Variants in AGPS observed in about 807,000 individuals in gnomAD.
AGPS encodes the protein alkyldihydroxyacetonephosphate synthase, peroxisomal.
A neutral mutation model predicts 90.7 loss-of-function variants in AGPS; 26 were observed. The ratio of observed to expected loss-of-function variants is 0.29; its 90% CI spans 0.21 to 0.40. AGPS has a LOEUF of 0.40. AGPS is among the 10% of genes least tolerant of loss of function. The pLI, the probability that AGPS is intolerant of heterozygous loss-of-function variation, is 1.00. For synonymous variants in AGPS, 294 were observed against 285.3 expected, an observed-to-expected ratio of 1.03 and a Z score of -0.31; for missense variants, 540 against 816.1, an observed-to-expected ratio of 0.66 and a Z score of 4.12.
In AGPS at chr2:177,429,377, A is replaced by C. The variant is rs537617718; in HGVS notation, c.351-4950A>C. 5.9e-5 allele frequency among the ~76,000 whole-genome samples: 9 copies of C among 152,264 alleles called. No homozygotes were observed. The South Asian group carries it at 1.9e-3, about 32-fold the overall frequency. On this transcript the variant is annotated intron_variant, in intron 2 of 19. Coordinates refer to ENST00000264167, the MANE Select transcript of AGPS (RefSeq NM_003659.4). Reference sequence around the variant, plus strand: ...CTGGAGAGGTATTGTGGTCATTTGGAGGAGAAGAGGCCCTCTGGCTTTTTG... The same window carrying C: ...CTGGAGAGGTATTGTGGTCATTTGGCGGAGAAGAGGCCCTCTGGCTTTTTG...
intron 8 of AGPS, among the ~76,000 whole-genome samples, chr2:177,455,804 T>G (rs1417389120): frequency 6.6e-6 from 1 of 152,122 alleles, no homozygotes; most frequent in East Asian, 1.9e-4. Flanking sequence ...GCATATACAT[T>G]TTTCTCAATA....
At position 177,444,437 on chromosome 2, in the gene AGPS, A is replaced by G. The variant is rs1034658488; in HGVS notation, c.790-1109A>G. 1.5e-3 allele frequency among the ~76,000 whole-genome samples: 223 copies of G among 149,880 alleles called. 20 individuals carry two copies. The highest frequency in any genetic ancestry group is 7.7e-4 in the African/African-American group (31 of 40,114). On this transcript the variant is annotated intron_variant, in intron 7 of 19. Coordinates refer to ENST00000264167, the MANE Select transcript of AGPS (RefSeq NM_003659.4). The stretch of plus-strand genomic sequence containing the variant: ...CTCTGTCTCAAAAAAAAAAAAAAAA[A>G]AAAGAAAGAAAGAAATTACTACTGT...
chr2:177,425,904 A>G (rs1320133995), intron 2 of AGPS, among the ~76,000 whole-genome samples: 2 of 152,136 alleles, frequency 1.3e-5, no homozygotes, highest in Admixed American at 6.5e-5. Flanking sequence ...TGAATTTTAA[A>G]ATAGTTTTTT....
At chr2:177,520,831 C>T (rs1689164252) in intron 17 of AGPS, among the ~76,000 whole-genome samples, 1 of 151,712 alleles carries the variant, frequency 6.6e-6, no homozygotes, top group Non-Finnish European at 1.5e-5. Context: ...GCTTACCTGA[C>T]TATATATATA....
At chr2:177,455,114 G>A (rs1404628915) in intron 8 of AGPS, among the ~76,000 whole-genome samples, 1 of 152,104 alleles carries the variant, frequency 6.6e-6, no homozygotes, top group Non-Finnish European at 1.5e-5. Context: ...CACCCGTGCT[G>A]TAATCCATCT....
intron 1 of AGPS, 143 bp from the exon 2 acceptor site, chr2:177,420,126 T>C: frequency 3.5e-6 from 2 of 570,274 alleles, no homozygotes; most frequent in Non-Finnish European, 6.2e-6. Context: ...GACATTTTAA[T>C]GTGTGCTAAT....
At chr2:177,471,781 G>C (rs546288734) in intron 10 of AGPS, among the ~76,000 whole-genome samples, 1 of 152,226 alleles carries the variant, frequency 6.6e-6, no homozygotes, top group South Asian at 2.1e-4. Flanking sequence ...TTCTGTGGCT[G>C]TGATACTTGA....
At chr2:177,478,202 G>A (rs1374605358) in intron 10 of AGPS, among the ~76,000 whole-genome samples, 1 of 152,146 alleles carries the variant, frequency 6.6e-6, no homozygotes, top group Non-Finnish European at 1.5e-5. Flanking sequence ...TGTTTCTGCT[G>A]ATAAGTCAGC....
chr2:177,469,348 C>T (rs538567631), intron 10 of AGPS, among the ~76,000 whole-genome samples: 129 of 152,158 alleles, frequency 8.5e-4, no homozygotes, highest in African/African-American at 3.0e-3. Context: ...AGAGCAGGTA[C>T]AATAAACTAA....
chr2:177,393,318 C>T (rs1685078042), intron 1 of AGPS: 2 of 985,382 alleles, frequency 2.0e-6, no homozygotes, highest in African/African-American at 1.7e-5. Context: ...TAAAGGATTC[C>T]TTTTTCCTGA....
chr2:177,505,902 C>T (rs911684855), intron 15 of AGPS, among the ~76,000 whole-genome samples: 10 of 151,788 alleles, frequency 6.6e-5, no homozygotes, highest in African/African-American at 2.4e-4. Flanking sequence ...CAACACTCTT[C>T]ACTTAATAAT....
chr2:177,523,891 G>T, intron 19 of AGPS, 86 bp downstream of exon 19: 1 of 1,120,516 alleles, frequency 8.9e-7, no homozygotes. Context: ...GACATGGTAT[G>T]AATAATATGA....
At chr2:177,409,869 A>G (rs971321326) in intron 1 of AGPS, among the ~76,000 whole-genome samples, 3 of 152,168 alleles carry the variant, frequency 2.0e-5, no homozygotes, top group Non-Finnish European at 2.9e-5. Context: ...ATTGAAACGT[A>G]TGGCCTGCAG....
intron 11 of AGPS, among the ~76,000 whole-genome samples, chr2:177,486,737 A>ATATTTTTTTTTTTTTTTTTTTTTTT (rs1553515691): frequency 1.3e-4 from 17 of 129,376 alleles, no homozygotes; most frequent in African/African-American, 4.4e-4. Context: ...CTATATGTAT[A>ATATTTTTTTTTTTTTTTTTTTTTTT]TTTTTATTAC....
chr2:177,402,860 C>T (rs552107232), intron 1 of AGPS, among the ~76,000 whole-genome samples: 66 of 152,174 alleles, frequency 4.3e-4, no homozygotes, highest in African/African-American at 1.3e-3. Flanking sequence ...AGTTCAAGAC[C>T]GGCCTGACTA....
At chr2:177,435,358 C>T (rs1216497687) in intron 3 of AGPS, among the ~76,000 whole-genome samples, 1 of 152,022 alleles carries the variant, frequency 6.6e-6, no homozygotes, top group Non-Finnish European at 1.5e-5. Context: ...TTTAACTTTT[C>T]CTAGACGTCT....
chr2:177,441,221 T>C, intron 6 of AGPS, 185 bp downstream of exon 6: 1 of 581,762 alleles, frequency 1.7e-6, no homozygotes, highest in East Asian at 2.9e-5. Flanking sequence ...GTTTGAGACA[T>C]GGTATACCTT....
chr2:177,442,336 G>A, intron 6 of AGPS, 71 bp from the exon 7 acceptor site: 1 of 1,168,382 alleles, frequency 8.6e-7, no homozygotes, highest in South Asian at 1.2e-5. Flanking sequence ...TTGATATGAG[G>A]GATTTGCCAT....
rs1011258084 is a variant in AGPS, at chr2:177,539,266, C to T, written c.*1071C>T. On this transcript the variant is annotated 3_prime_UTR_variant, in exon 20 of 20. Transcript: ENST00000264167. ...TTAGTTTTTAATAATGGTTTAATGC[C>T]TTTTTTGAATAACTGGTTTAACCTA... is the stretch of plus-strand genomic sequence containing the variant. 1.3e-5 allele frequency: 2 copies of T among 151,792 alleles called. No homozygotes were observed. Among genetic ancestry groups the T allele is most frequent in the African/African-American group, 4.8e-5 (2 of 41,360 alleles). The allele number at this position is 151,792 out of a possible 1,614,324, so 9.4% of individuals were successfully genotyped here.
Sources: allele counts gnomAD v4.1 joint callset (sites outside exome capture counted in the v4.1 genomes callset), GRCh38; gene constraint gnomAD v4.1.1; transcripts MANE v1.5; gene names NCBI Gene and HGNC (gene_info 2026-07-23, HGNC 2026-07-21).